The following HSPH1 variants were observed in gnomAD, a reference collection of about 807,000 sequenced individuals.
HSPH1 encodes the protein heat shock protein 105 kDa.
HSPH1 carries 40 observed loss-of-function variants against 100.0 expected under a neutral mutation model. The observed-to-expected ratio is 0.40, with a 90% CI of 0.31 to 0.52. HSPH1 has a LOEUF of 0.52. HSPH1 is among the 20% of genes least tolerant of loss of function. The pLI is 0.54. For missense variants in HSPH1, 876 were observed against 1,015.1 expected (o/e 0.86, Z 1.86); for synonymous variants, 403 against 344.0 (o/e 1.17, Z -1.90).
At chr13:31,151,375 T>C (rs150759715) in intron 6 of HSPH1, 184 bp from the exon 7 acceptor site, 4 of 695,042 alleles carry the variant, frequency 5.8e-6, no homozygotes, top group African/African-American at 5.4e-5. Flanking sequence ...AATGACTACA[T>C]AGAAAATAAC....
chr13:31,144,717 C>T (rs191208971), intron 11 of HSPH1, among the ~76,000 whole-genome samples: 73 of 152,178 alleles, frequency 4.8e-4, no homozygotes, highest in African/African-American at 1.7e-3. Context: ...CTAAGATAGA[C>T]ACTGAAGTAT....
chr13:31,139,924 C>T (rs977799517), intron 14 of HSPH1, among the ~76,000 whole-genome samples: 1 of 151,970 alleles, frequency 6.6e-6, no homozygotes, highest in Admixed American at 6.6e-5. Flanking sequence ...ATCCTAGACC[C>T]TATGACAGTA....
chr13:31,162,192 A>G, upstream of HSPH1: 1 of 1,042,602 alleles, frequency 9.6e-7, no homozygotes, highest in Non-Finnish European at 1.4e-6. Context: ...AAAACAGGCA[A>G]CGAAGAATGA....
chr13:31,157,770 G>A (rs189916455), intron 2 of HSPH1, among the ~76,000 whole-genome samples: 102 of 152,244 alleles, frequency 6.7e-4, no homozygotes, highest in Non-Finnish European at 2.2e-4. Context: ...AGAATTATAT[G>A]TAAGTCATAA....
chr13:31,150,920 A>G lies in HSPH1; in HGVS notation c.908+27T>C, dbSNP rs751105163. 28 of 1,589,608 alleles carry G rather than the reference A, an allele frequency of 1.8e-5. No homozygotes were observed. The East Asian group carries it at 4.7e-4, about 27-fold the overall frequency. ...TACAGTTTCAAAAGAAGTTCCATCT[A>G]TTTAATCTGTAGAATTCAAGACACA... is the stretch of plus-strand genomic sequence containing the variant. On this transcript the variant is annotated intron_variant, in intron 7 of 17. Transcript: ENST00000320027.
At chr13:31,154,898 G>A in intron 3 of HSPH1, 143 bp from the exon 4 acceptor site, 25 of 646,330 alleles carry the variant, frequency 3.9e-5, no homozygotes, top group South Asian at 1.3e-4. Context: ...AGGAAGAAAA[G>A]GAGGAAAAAG....
At position 31,161,779 on chromosome 13, in the gene HSPH1, C is replaced by T. The variant is rs999450436; in HGVS notation, c.-197G>A. On this transcript the variant is annotated 5_prime_UTR_variant, in exon 1 of 18. Coordinates refer to ENST00000320027, the MANE Select transcript of HSPH1 (RefSeq NM_006644.4). ...CCTCCTACTCCCCCGGGGACAGCGG[C>T]GGCTGGCTGATAAGAAACCCTGGGA... 1.3e-5 allele frequency: 20 copies of T among 1,500,588 alleles called. No homozygotes were observed. The highest frequency in any genetic ancestry group is 4.2e-5 in the African/African-American group (3 of 71,798). 93.0% of individuals were successfully genotyped at this position (1,500,588 alleles called of 1,614,324 possible). A position where few individuals can be genotyped will look rare whatever the true frequency, so the allele number is the denominator to read the frequency against.
rs143448335 is a variant in HSPH1, at chr13:31,151,165, G to C, written c.690C>G (p.Phe230Leu). The C allele has an allele frequency of 4.4e-5, 71 of 1,612,368 alleles. No individual in the cohort carries two copies. The African/African-American group carries it at 9.3e-4, about 21-fold the overall frequency. ...TTTCATCGAAGTTTTTTCCTCCTAAGAAAGGATCAAAAGCTGTTCCCAGTA... is the reference window on the plus strand; with the variant it reads ...TTTCATCGAAGTTTTTTCCTCCTAACAAAGGATCAAAAGCTGTTCCCAGTA... ...LKVLGTAFDP[F>L]LGGKNFDEKL... is the part of the protein sequence containing the mutation. The change falls in exon 7 of 18, where the codon TTC becomes TTG. Residue 230 changes from phenylalanine to leucine, a missense_variant. By Grantham distance (22) the Phe-to-Leu change is conservative. Coordinates refer to ENST00000320027, the MANE Select transcript of HSPH1 (RefSeq NM_006644.4).
chr13:31,156,695 C>T (rs906809563), intron 2 of HSPH1, among the ~76,000 whole-genome samples: 6 of 152,240 alleles, frequency 3.9e-5, no homozygotes, highest in Non-Finnish European at 7.3e-5. Flanking sequence ...TAGTTATCTA[C>T]ACCAAAAAGT....
intron 6 of HSPH1, 185 bp from the exon 7 acceptor site, chr13:31,151,376 A>C: frequency 1.5e-6 from 1 of 689,538 alleles, no homozygotes; most frequent in Non-Finnish European, 2.3e-6. Context: ...ATGACTACAT[A>C]GAAAATAACT....
intron 2 of HSPH1, among the ~76,000 whole-genome samples, chr13:31,158,604 C>A (rs1435418258): frequency 7.0e-6 from 1 of 142,482 alleles, no homozygotes; most frequent in African/African-American, 2.6e-5. Flanking sequence ...AAGTTAAAGT[C>A]GATCTTAATA....
At chr13:31,142,658 G>C (rs10507398) in intron 12 of HSPH1, among the ~76,000 whole-genome samples, 3,438 of 152,114 alleles carry the variant, frequency 0.023, 130 homozygotes, top group African/African-American at 0.079. Context: ...TTTCAACATG[G>C]AATGGATGAG....
chr13:31,152,592 G>A (rs113623501), intron 5 of HSPH1: 3,122 of 254,738 alleles, frequency 0.012, 98 homozygotes, highest in African/African-American at 0.067. Flanking sequence ...TGCAATGTAA[G>A]GAAACAAAGC....
rs771068030 is a variant in HSPH1, at chr13:31,145,623, C to T, written c.1524G>A (p.Met508Ile). The T allele has an allele frequency of 1.2e-6, 2 of 1,613,652 alleles. No individual in the cohort carries two copies. Among genetic ancestry groups the T allele is most frequent in the South Asian group, 1.1e-5 (1 of 91,074 alleles). Residue 508 changes from methionine (M) to isoleucine (I), a missense_variant, in exon 11 of 18, where the codon ATG (methionine) becomes ATA (isoleucine). By Grantham distance (10) the Met-to-Ile change is conservative. Transcript: ENST00000320027. ...GACACTCCATGTCAGCTTCAGAAGA[C>T]ATTTCATTCTCCTCAGTTGGGACTT... ...VEKVPTEENE[M>I]SSEADMECLN...
At chr13:31,149,163 T>C (rs1956385330) in intron 8 of HSPH1, among the ~76,000 whole-genome samples, 1 of 152,078 alleles carries the variant, frequency 6.6e-6, no homozygotes, top group South Asian at 2.1e-4. Context: ...CATATTCCAT[T>C]ATGAAGAAAA....
In HSPH1 at chr13:31,161,553, C is replaced by G; in HGVS notation, c.30G>C (p.Ser10=). ...GGGCTACCGCGATGTAGCAGCTCTG[C>G]GAGCCCACGTCCAACCCCACCACCG... is the stretch of plus-strand genomic sequence containing the variant. The part of the protein sequence containing the change: MSVVGLDVG[S]QSCYIAVARA... Residue 10 remains serine (S), a synonymous_variant, in exon 1 of 18, where the codon TCG becomes TCC. Transcript: ENST00000320027. 1 of 1,613,854 alleles carries G rather than the reference C, an allele frequency of 6.2e-7. No homozygotes were observed. Among genetic ancestry groups the G allele is most frequent in the Middle Eastern group, 1.6e-4 (1 of 6,062 alleles).
chr13:31,160,666 C>T (rs768192904), intron 1 of HSPH1, among the ~76,000 whole-genome samples: 2 of 152,224 alleles, frequency 1.3e-5, no homozygotes, highest in Non-Finnish European at 2.9e-5. Flanking sequence ...TCAGTGACGA[C>T]ATCCATCCTC....
chr13:31,159,455 C>A (rs1296581845), intron 1 of HSPH1, among the ~76,000 whole-genome samples: 1 of 152,044 alleles, frequency 6.6e-6, no homozygotes, highest in Non-Finnish European at 1.5e-5. Flanking sequence ...ATATAAATGT[C>A]GAGGGAAAGG....
Position 31,156,981 on chromosome 13 carries a change from A to G in HSPH1, c.166-1327T>C, listed in dbSNP as rs531109258. 1.5e-3 allele frequency among the ~76,000 whole-genome samples: 226 copies of G among 152,376 alleles called. 2 individuals carry two copies. The highest frequency in any genetic ancestry group is 1.8e-3 in the Non-Finnish European group (120 of 68,030). On this transcript the variant is annotated intron_variant, in intron 2 of 17. Transcript: ENST00000320027. ...CTCATTTGAAACAAGAAATAACTGT[A>G]AGATTGAAAACTAAGACTTCTGAAA...
Sources: allele counts gnomAD v4.1 joint callset (sites outside exome capture counted in the v4.1 genomes callset), GRCh38; gene constraint gnomAD v4.1.1; transcripts MANE v1.5; gene names NCBI Gene and HGNC (gene_info 2026-07-23, HGNC 2026-07-21).